CHD9: variants seen among roughly 807,000 people sequenced by gnomAD.
The protein encoded by CHD9 is chromodomain helicase DNA binding protein 9.
Under a neutral mutation model 316.1 loss-of-function variants are expected in CHD9, and 77 were observed. That is an observed-to-expected ratio of 0.24 (90% CI 0.20 to 0.29). The LOEUF is 0.29. Among genes scored for constraint, CHD9 ranks in the 10% least tolerant of loss-of-function variants. The probability of loss-of-function intolerance (pLI) is 1.00; values close to 1 mark genes in which losing one functional copy is unlikely to be tolerated. For missense variants in CHD9, 2,763 were observed against 3,438.1 expected (o/e 0.80, Z 4.91); for synonymous variants, 1,129 against 1,158.3 (o/e 0.97, Z 0.51).
At chr16:53,217,929 TTTCTTTCTTTCTTTCTTTCTTTCTTTC>T (rs1334809094) in intron 3 of CHD9, among the ~76,000 whole-genome samples, 1 of 49,896 alleles carries the variant, frequency 2.0e-5, no homozygotes, top group South Asian at 9.8e-4. Flanking sequence ...TCTTTCTTTC[TTTCTTTCTTTCTTTCTTTCTTTCTTTC>T]TTTTTTTTTT....
chr16:53,069,361 A>G (rs1481986693), intron 1 of CHD9, among the ~76,000 whole-genome samples: 1 of 152,100 alleles, frequency 6.6e-6, no homozygotes, highest in East Asian at 1.9e-4. Context: ...AACCATCACC[A>G]CTATCCATCT....
intron 1 of CHD9, among the ~76,000 whole-genome samples, chr16:53,105,399 C>G (rs1005144115): frequency 6.6e-6 from 1 of 152,052 alleles, no homozygotes; most frequent in African/African-American, 2.4e-5. Context: ...GTAGCATACA[C>G]TTATTCTACA....
At chr16:53,217,745 T>C (rs1266562542) in intron 3 of CHD9, among the ~76,000 whole-genome samples, 1 of 152,058 alleles carries the variant, frequency 6.6e-6, no homozygotes, top group Non-Finnish European at 1.5e-5. Flanking sequence ...TCTCTCTCTC[T>C]AGATAGATAG....
At chr16:53,249,274 A>G (rs915905129) in intron 16 of CHD9, among the ~76,000 whole-genome samples, 1 of 152,230 alleles carries the variant, frequency 6.6e-6, no homozygotes, top group Non-Finnish European at 1.5e-5. Flanking sequence ...TATACCACTT[A>G]GAGTCCAAGC....
chr16:53,180,184 T>G (rs2043392765), intron 2 of CHD9, among the ~76,000 whole-genome samples: 1 of 151,916 alleles, frequency 6.6e-6, no homozygotes, highest in African/African-American at 2.4e-5. Context: ...TTTTCGTATT[T>G]TTAGTGGAGC....
Position 53,323,112 on chromosome 16 carries a change from G to A in CHD9, c.7819-908G>A, listed in dbSNP as rs911733578. On this transcript the variant is annotated intron_variant, in intron 38 of 38. Transcript: ENST00000447540. ...AGGCACATGTGGCTGTTGAGCACTT[G>A]AAATGTGAATTAACATTAAGTGTAA... Among the ~76,000 whole-genome samples, 18 of 152,248 alleles carry A rather than the reference G, an allele frequency of 1.2e-4. 3 individuals are homozygous for A. The South Asian group carries it at 3.5e-3, about 30-fold the overall frequency.
At chr16:53,321,226 A>G (rs2057254286) in intron 37 of CHD9, 5 of 1,324,680 alleles carry the variant, frequency 3.8e-6, no homozygotes, top group Non-Finnish European at 4.9e-6. Context: ...TGGTAAGTCT[A>G]ACTCTAGAGG....
intron 1 of CHD9, among the ~76,000 whole-genome samples, chr16:53,129,345 G>C (rs2039110583): frequency 6.6e-6 from 1 of 152,182 alleles, no homozygotes; most frequent in Admixed American, 6.5e-5. Flanking sequence ...TAAGTGGTGT[G>C]GGGGGCCCCA....
At chr16:53,272,979 C>G (rs1446112430) in intron 22 of CHD9, among the ~76,000 whole-genome samples, 2 of 152,094 alleles carry the variant, frequency 1.3e-5, no homozygotes, top group Admixed American at 6.5e-5. Flanking sequence ...ATCCCAGCTA[C>G]TCAGGAGGCT....
At chr16:53,270,640 C>A (rs927090199) in intron 22 of CHD9, among the ~76,000 whole-genome samples, 6 of 151,902 alleles carry the variant, frequency 3.9e-5, no homozygotes, top group African/African-American at 1.5e-4. Flanking sequence ...TACTTGTATT[C>A]TATAATTTTA....
chr16:53,198,302 T>C (rs563400010), intron 2 of CHD9, among the ~76,000 whole-genome samples: 3 of 150,950 alleles, frequency 2.0e-5, no homozygotes, highest in Admixed American at 6.6e-5. Context: ...ACCTGACTCA[T>C]AATAAGCATT....
At chr16:53,266,896 T>G (rs1345032069) in intron 20 of CHD9, among the ~76,000 whole-genome samples, 1 of 152,172 alleles carries the variant, frequency 6.6e-6, no homozygotes, top group Non-Finnish European at 1.5e-5. Flanking sequence ...TCTTTTGAAT[T>G]TACCTTTAGA....
At chr16:53,090,243 AGCATGGAGGT>A (rs1248701447) in intron 1 of CHD9, among the ~76,000 whole-genome samples, 1 of 152,206 alleles carries the variant, frequency 6.6e-6, no homozygotes, top group Non-Finnish European at 1.5e-5. Context: ...CACTAAAGCT[AGCATGGAGGT>A]TGCAGCTGAG....
intron 2 of CHD9, among the ~76,000 whole-genome samples, chr16:53,194,419 C>T (rs2044725591): frequency 6.6e-6 from 1 of 151,820 alleles, no homozygotes; most frequent in East Asian, 1.9e-4. Flanking sequence ...TATAAAAATA[C>T]AAAAATTATC....
chr16:53,205,741 G>T (rs2045847607), intron 2 of CHD9, among the ~76,000 whole-genome samples: 1 of 152,074 alleles, frequency 6.6e-6, no homozygotes, highest in Non-Finnish European at 1.5e-5. Context: ...ATCCTCTTAG[G>T]TTCTTTGAAT....
chr16:53,096,837 A>C (rs1044363386), intron 1 of CHD9, among the ~76,000 whole-genome samples: 1 of 152,144 alleles, frequency 6.6e-6, no homozygotes, highest in East Asian at 1.9e-4. Context: ...GAAGAGTACT[A>C]AGGTGGTCCA....
In CHD9 at chr16:53,245,435, T is replaced by C. The variant is rs765472282; in HGVS notation, c.3154T>C (p.Ser1052Pro). ...FLEPLRFPSE[S>P]TFMQEFGDLK... Reference sequence around the variant, plus strand: ...TGAACCCTTAAGGTTTCCTTCTGAATCAACATTTATGCAAGAATTTGGGGA... The same window carrying C: ...TGAACCCTTAAGGTTTCCTTCTGAACCAACATTTATGCAAGAATTTGGGGA... The change falls in exon 14 of 39, where the codon TCA becomes CCA. Residue 1052 changes from serine to proline, a missense_variant. By Grantham distance (74) the Ser-to-Pro change is moderately conservative (BLOSUM62 -1). Around this residue, in one of 15 missense-constraint regions of CHD9, gnomAD observed 155 missense variants for 291.8 expected, o/e 0.53. Transcript: ENST00000447540. The surrounding 1 kb of genome is among the most constrained non-coding windows in gnomAD (Gnocchi z 4.1). The C allele has an allele frequency of 6.2e-7, 1 of 1,605,792 alleles. No homozygotes were observed. The highest frequency in any genetic ancestry group is 8.5e-7 in the Non-Finnish European group (1 of 1,177,550).
chr16:53,135,496 C>G (rs1471703819), intron 1 of CHD9, among the ~76,000 whole-genome samples: 2 of 152,042 alleles, frequency 1.3e-5, no homozygotes, highest in African/African-American at 4.8e-5. Context: ...GGAGGAGGAA[C>G]AACTGACAGA....
intron 31 of CHD9, 64 bp downstream of exon 31, chr16:53,304,689 TTTTC>T (rs1396131526): frequency 2.4e-4 from 232 of 978,096 alleles, no homozygotes; most frequent in African/African-American, 1.0e-3. Flanking sequence ...TTTTCTTTTC[TTTTC>T]TTTTTTTTTT....
Sources: gnomAD v4.1 joint callset for allele counts (sites outside exome capture counted in the v4.1 genomes callset) on GRCh38, gnomAD v4.1.1 for gene constraint, gnomAD v4.1.1 regional missense constraint, Gnocchi (gnomAD v3.1) non-coding constraint, MANE v1.5 for transcripts, NCBI Gene and HGNC (gene_info 2026-07-23, HGNC 2026-07-21) for gene names.